ATP2B4: variants seen among roughly 807,000 people sequenced by gnomAD.
ATP2B4 encodes plasma membrane calcium-transporting ATPase 4.
ATP2B4 carries 39 observed loss-of-function variants against 110.3 expected under a neutral mutation model. The ratio of observed to expected loss-of-function variants is 0.35; its 90% CI spans 0.27 to 0.46. The LOEUF is 0.46. Ranked by LOEUF, ATP2B4 falls within the 20% of genes least tolerant of loss-of-function variation. The probability of loss-of-function intolerance (pLI) is 1.00; values close to 1 mark genes in which losing one functional copy is unlikely to be tolerated. For synonymous variants in ATP2B4, 538 were observed against 571.7 expected (o/e 0.94, Z 0.84); for missense variants, 1,135 against 1,530.9 (o/e 0.74, Z 4.32).
chr1:203,732,573 G>GT (rs916973394), intron 20 of ATP2B4, among the ~76,000 whole-genome samples: 5 of 152,026 alleles, frequency 3.3e-5, no homozygotes, highest in African/African-American at 1.2e-4. Context: ...AATGGCCCCT[G>GT]TTTTTTATTT....
At chr1:203,689,545 G>A (rs1665302688) in intron 2 of ATP2B4, among the ~76,000 whole-genome samples, 1 of 152,214 alleles carries the variant, frequency 6.6e-6, no homozygotes, top group Admixed American at 6.5e-5. Context: ...CTAAAAGATT[G>A]TTGGTGGAAC....
At chr1:203,628,138 T>C (rs1663145116) in intron 1 of ATP2B4, among the ~76,000 whole-genome samples, 3 of 152,174 alleles carry the variant, frequency 2.0e-5, no homozygotes, top group Non-Finnish European at 1.5e-5. Flanking sequence ...TCCCTGAGCG[T>C]CTCGGGCCAC....
intron 20 of ATP2B4, 28 bp from the exon 21 acceptor site, chr1:203,739,518 C>T: frequency 6.3e-7 from 1 of 1,590,594 alleles, no homozygotes; most frequent in Non-Finnish European, 8.6e-7. Flanking sequence ...TCTATTTTCT[C>T]ATCCTCCTTT....
chr1:203,703,907 G>T, intron 8 of ATP2B4, 94 bp downstream of exon 8: 1 of 1,439,604 alleles, frequency 6.9e-7, no homozygotes, highest in South Asian at 1.4e-5. Flanking sequence ...GAGACTGGCA[G>T]AAAGAAGCTG....
At chr1:203,660,838 C>T (rs891108057) in intron 1 of ATP2B4, among the ~76,000 whole-genome samples, 1 of 151,558 alleles carries the variant, frequency 6.6e-6, no homozygotes, top group Non-Finnish European at 1.5e-5. Context: ...GGACTGGGCA[C>T]GGTGGCTCAT....
chr1:203,711,225 G>A (rs887932225), intron 12 of ATP2B4, 117 bp downstream of exon 12: 2 of 917,758 alleles, frequency 2.2e-6, no homozygotes, highest in African/African-American at 3.3e-5. Flanking sequence ...AGAAGTTTCT[G>A]TGCTTCCTGC....
intron 1 of ATP2B4, among the ~76,000 whole-genome samples, chr1:203,635,826 G>T (rs1663420583): frequency 6.6e-6 from 1 of 152,300 alleles, no homozygotes; most frequent in East Asian, 1.9e-4. Context: ...TGACCAATAG[G>T]AGTGTCTTTT....
intron 1 of ATP2B4, among the ~76,000 whole-genome samples, chr1:203,640,235 A>C (rs1663585275): frequency 6.6e-6 from 1 of 152,090 alleles, no homozygotes; most frequent in Admixed American, 6.6e-5. Context: ...CCCACTCCCA[A>C]GAACATCCTC....
intron 6 of ATP2B4, 45 bp downstream of exon 6, chr1:203,700,968 G>A (rs762702617): frequency 2.5e-6 from 4 of 1,588,274 alleles, no homozygotes; most frequent in Non-Finnish European, 8.6e-7. Context: ...TCATCCCCAT[G>A]GACAAACAAG....
At chr1:203,697,420 A>T (rs1249193695) in intron 2 of ATP2B4, among the ~76,000 whole-genome samples, 1 of 152,256 alleles carries the variant, frequency 6.6e-6, no homozygotes, top group African/African-American at 2.4e-5. Context: ...AATATGACAT[A>T]AAAGTTCTAT....
At position 203,698,166 on chromosome 1, in the gene ATP2B4, G is replaced by A. The variant is rs766110790; in HGVS notation, c.203G>A (p.Gly68Glu). The A allele has an allele frequency of 1.2e-6, 2 of 1,613,916 alleles. No individual in the cohort carries two copies. Among genetic ancestry groups the A allele is most frequent in the Admixed American group, 1.7e-5 (1 of 59,986 alleles). ...LKTSPVEGLS[G>E]NPADLEKRRQ... ...CCTATCTCCTTTTCAGGTCTGTCTG[G>A]GAACCCTGCAGATCTGGAGAAACGT... Residue 68 changes from glycine to glutamate, a missense_variant, in exon 3 of 21, where the codon GGG (glycine) becomes GAG (glutamate). Physicochemically the swap from Gly to Glu is moderately conservative, Grantham distance 98. Transcript: ENST00000357681.
chr1:203,630,861 T>A (rs1437416331), intron 1 of ATP2B4, among the ~76,000 whole-genome samples: 2 of 152,184 alleles, frequency 1.3e-5, no homozygotes, highest in South Asian at 4.1e-4. Flanking sequence ...TTTCTGCAGG[T>A]CATAGGATTA....
Position 203,709,723 on chromosome 1 carries a change from T to C in ATP2B4, c.1799+181T>C, listed in dbSNP as rs75381459. Among the ~76,000 whole-genome samples the C allele has an allele frequency of 1.7e-3, 266 of 152,308 alleles. 6 individuals are homozygous for C. In the East Asian group the frequency reaches 0.03, roughly 17 times the overall value. ...TTTTTAAGTGCTTAAGGTGGCTTGTTGTATTTAATCCTCACAACTCAGTAA... is the reference window on the plus strand; with the variant it reads ...TTTTTAAGTGCTTAAGGTGGCTTGTCGTATTTAATCCTCACAACTCAGTAA... On this transcript the variant is annotated intron_variant, in intron 11 of 20. Transcript: ENST00000357681.
At position 203,716,834 on chromosome 1, in the gene ATP2B4, C is replaced by A. The variant is rs1174299209; in HGVS notation, c.2406+2557C>A. ...GTTCTAGAAGTTATCAGATTCTAGA[C>A]CCTTTCTTTCATTGAGGGCTGCAAA... On this transcript the variant is annotated intron_variant, in intron 15 of 20. Transcript: ENST00000357681. Among the ~76,000 whole-genome samples the A allele has an allele frequency of 1.4e-5, 2 of 144,984 alleles. 1 individual carries two copies. Among genetic ancestry groups the A allele is most frequent in the Non-Finnish European group, 3.1e-5 (2 of 65,106 alleles).
Position 203,709,400 on chromosome 1 carries a change from G to A in ATP2B4, c.1657G>A (p.Val553Met). Residue 553 changes from valine to methionine, a missense_variant, in exon 11 of 21, where the codon GTG becomes ATG. Physicochemically the swap from Val to Met is conservative, Grantham distance 21. Transcript: ENST00000357681. ...VTDLKQDYQA[V>M]RNEVPEEKLY... is the part of the protein sequence containing the mutation. ...AGATCTGAAGCAGGATTATCAGGCT[G>A]TGCGTAATGAAGTGCCCGAGGAGAA... The A allele has an allele frequency of 1.2e-6, 2 of 1,614,242 alleles. No individual in the cohort carries two copies. The highest frequency in any genetic ancestry group is 8.5e-7 in the Non-Finnish European group (1 of 1,180,040).
intron 2 of ATP2B4, among the ~76,000 whole-genome samples, chr1:203,694,639 G>A (rs910332014): frequency 2.6e-5 from 4 of 152,172 alleles, no homozygotes; most frequent in African/African-American, 9.7e-5. Flanking sequence ...AAGGGTCCTG[G>A]AAGCCCATCA....
At chr1:203,665,633 C>G (rs992879144) in intron 1 of ATP2B4, among the ~76,000 whole-genome samples, 2 of 152,016 alleles carry the variant, frequency 1.3e-5, no homozygotes, top group African/African-American at 2.4e-5. Context: ...AACCCTGTCT[C>G]TACTAAAAAT....
chr1:203,740,089 G>T lies in ATP2B4; in HGVS notation c.*235G>T. 2 of 519,286 alleles carry T rather than the reference G, an allele frequency of 3.9e-6. No individual in the cohort carries two copies. The highest frequency in any genetic ancestry group is 3.2e-5 in the East Asian group (1 of 31,742). 32.2% of individuals were successfully genotyped at this position (519,286 alleles called of 1,614,324 possible). A position where few individuals can be genotyped will look rare whatever the true frequency, so the allele number is the denominator to read the frequency against. Reference sequence around the variant, plus strand: ...CCCAGTCAAACCCCATTCAGGTCATGGTAGAATCTACTCCTTGGTAGTCAC... The same window carrying T: ...CCCAGTCAAACCCCATTCAGGTCATTGTAGAATCTACTCCTTGGTAGTCAC... On this transcript the variant is annotated 3_prime_UTR_variant, in exon 21 of 21. Coordinates refer to ENST00000357681, the MANE Select transcript of ATP2B4 (RefSeq NM_001684.5).
intron 1 of ATP2B4, among the ~76,000 whole-genome samples, chr1:203,653,837 G>A (rs1002755216): frequency 2.6e-5 from 4 of 151,850 alleles, no homozygotes; most frequent in Admixed American, 6.6e-5. Flanking sequence ...GATTACAGGC[G>A]TGAGCCACCA....
Sources: allele counts gnomAD v4.1 joint callset (sites outside exome capture counted in the v4.1 genomes callset), GRCh38; gene constraint gnomAD v4.1.1; transcripts MANE v1.5; gene names NCBI Gene and HGNC (gene_info 2026-07-23, HGNC 2026-07-21).